The following ATP8A2 variants were observed in gnomAD, a reference collection of about 807,000 sequenced individuals.
ATP8A2 encodes the protein ATPase phospholipid transporting 8A2.
ATP8A2 carries 100 observed loss-of-function variants against 165.6 expected under a neutral mutation model. That is an observed-to-expected ratio of 0.60 (90% CI 0.51 to 0.71). The LOEUF is 0.71. Among genes scored for constraint, ATP8A2 ranks in the 30% least tolerant of loss-of-function variants. The pLI is 0.00. For synonymous variants in ATP8A2, 543 were observed against 548.8 expected, an observed-to-expected ratio of 0.99 and a Z score of 0.15; for missense variants, 1,227 against 1,479.5, an observed-to-expected ratio of 0.83 and a Z score of 2.80.
At chr13:25,463,886 G>A (rs868394838) in intron 1 of ATP8A2, among the ~76,000 whole-genome samples, 1 of 152,118 alleles carries the variant, frequency 6.6e-6, no homozygotes, top group African/African-American at 2.4e-5. Flanking sequence ...TACTGTAACT[G>A]ATCTGCTCTC....
At chr13:25,688,592 G>C (rs1462457949) in intron 24 of ATP8A2, among the ~76,000 whole-genome samples, 1 of 152,220 alleles carries the variant, frequency 6.6e-6, no homozygotes, top group Non-Finnish European at 1.5e-5. Flanking sequence ...AATTTTAAAT[G>C]TGGTAACGGT....
rs1470146727 is a variant in ATP8A2 at position 25,645,117 on chromosome 13, A to G, written c.2212-54056A>G. Among the ~76,000 whole-genome samples, 4 of 152,164 alleles carry G rather than the reference A, an allele frequency of 2.6e-5. No homozygotes were observed. The East Asian group carries it at 7.7e-4, about 29-fold the overall frequency. On this transcript the variant is annotated intron_variant, in intron 24 of 36. Coordinates refer to ENST00000381655, the MANE Select transcript of ATP8A2 (RefSeq NM_016529.6). ...TAAAGCACACCCAAGATTGGGAAGT[A>G]AAAGAGGCTTATTTGGACTTACTGT...
chr13:25,824,909 C>T (rs1320384200), intron 27 of ATP8A2, among the ~76,000 whole-genome samples: 1 of 151,886 alleles, frequency 6.6e-6, no homozygotes, highest in Non-Finnish European at 1.5e-5. Flanking sequence ...CTCTGCTTGC[C>T]CTGACCTCTA....
At chr13:25,753,222 C>G (rs2044191676) in intron 25 of ATP8A2, among the ~76,000 whole-genome samples, 1 of 152,212 alleles carries the variant, frequency 6.6e-6, no homozygotes, top group Non-Finnish European at 1.5e-5. Flanking sequence ...GCAGGGAAAT[C>G]CGGGAAGTGG....
intron 2 of ATP8A2, among the ~76,000 whole-genome samples, chr13:25,528,724 A>C (rs529198452): frequency 3.2e-4 from 48 of 151,564 alleles, no homozygotes; most frequent in African/African-American, 1.2e-3. Context: ...GGTTTGTTAC[A>C]TATGCATACA....
intron 25 of ATP8A2, among the ~76,000 whole-genome samples, chr13:25,744,146 T>C (rs1210470720): frequency 6.6e-6 from 1 of 152,208 alleles, no homozygotes; most frequent in East Asian, 1.9e-4. Flanking sequence ...CAGCGTGAAT[T>C]TTCTTTGGCA....
At chr13:25,651,847 T>C (rs896711197) in intron 24 of ATP8A2, among the ~76,000 whole-genome samples, 3 of 152,308 alleles carry the variant, frequency 2.0e-5, no homozygotes, top group African/African-American at 7.2e-5. Context: ...TAAATAATTA[T>C]CTCTGTTTTT....
intron 33 of ATP8A2, among the ~76,000 whole-genome samples, chr13:25,937,843 C>T (rs1210661480): frequency 3.3e-4 from 34 of 101,816 alleles, no homozygotes; most frequent in Non-Finnish European, 4.9e-4. Flanking sequence ...AGCGAGACTC[C>T]GTCTCAAAAA....
intron 1 of ATP8A2, among the ~76,000 whole-genome samples, chr13:25,461,063 G>A (rs1436466259): frequency 6.6e-6 from 1 of 152,164 alleles, no homozygotes; most frequent in Non-Finnish European, 1.5e-5. Context: ...AAGAATCCAT[G>A]GCCTGTTACT....
intron 23 of ATP8A2, among the ~76,000 whole-genome samples, chr13:25,586,069 A>T (rs1161119885): frequency 2.7e-4 from 41 of 152,234 alleles, no homozygotes. Context: ...AGTCCTTTAC[A>T]GATGTTTTAT....
chr13:25,933,526 A>G (rs148507165), intron 33 of ATP8A2, among the ~76,000 whole-genome samples: 1 of 152,098 alleles, frequency 6.6e-6, no homozygotes, highest in African/African-American at 2.4e-5. Context: ...CTGGCTCAGG[A>G]TGAGTGTTGA....
intron 25 of ATP8A2, among the ~76,000 whole-genome samples, chr13:25,738,947 A>G (rs2043846823): frequency 6.6e-6 from 1 of 152,238 alleles, no homozygotes; most frequent in Admixed American, 6.5e-5. Context: ...TCAGAAGTCA[A>G]CTTATCCTTG....
At chr13:25,881,601 G>C (rs1952981736) in intron 33 of ATP8A2, among the ~76,000 whole-genome samples, 1 of 152,072 alleles carries the variant, frequency 6.6e-6, no homozygotes. Flanking sequence ...GAGAAAGAGA[G>C]AGAGAGAGAG....
rs1467158662 is a variant in ATP8A2 at position 25,600,419 on chromosome 13, G to C, written c.2211+10720G>C. The stretch of plus-strand genomic sequence containing the variant: ...CTGAACACAGAAGGGAGCCTGGACA[G>C]TGAGAGATGTTAACAGCTGGCACAG... On this transcript the variant is annotated intron_variant, in intron 24 of 36. Transcript: ENST00000381655. Among the ~76,000 whole-genome samples, 4 of 152,342 alleles carry C rather than the reference G, an allele frequency of 2.6e-5. No homozygotes were observed. In the East Asian group the frequency reaches 7.7e-4, roughly 29 times the overall value.
chr13:25,646,044 A>G (rs1453342764), intron 24 of ATP8A2, among the ~76,000 whole-genome samples: 1 of 152,106 alleles, frequency 6.6e-6, no homozygotes, highest in African/African-American at 2.4e-5. Flanking sequence ...ATTGGAATCT[A>G]TCTCTCCCTT....
chr13:25,955,711 G>A (rs996882595), intron 33 of ATP8A2, among the ~76,000 whole-genome samples: 3 of 152,164 alleles, frequency 2.0e-5, no homozygotes, highest in Non-Finnish European at 4.4e-5. Context: ...AGAGGAGCTG[G>A]TACCATTCCT....
At chr13:25,448,824 AT>A (rs2035137268) in intron 1 of ATP8A2, among the ~76,000 whole-genome samples, 1 of 151,790 alleles carries the variant, frequency 6.6e-6, no homozygotes, top group Admixed American at 6.6e-5. Flanking sequence ...TAATTTTTGT[AT>A]TTTTTTAATT....
At chr13:25,527,670 A>G (rs1221474093) in intron 2 of ATP8A2, among the ~76,000 whole-genome samples, 1 of 152,208 alleles carries the variant, frequency 6.6e-6, no homozygotes, top group Non-Finnish European at 1.5e-5. Context: ...AGTAAAAGTT[A>G]GTATGCATTT....
At position 25,775,607 on chromosome 13, in the gene ATP8A2, G is replaced by A. The variant is rs116470125; in HGVS notation, c.2679+648G>A. ...TAAAACAAACGTGCCTGCTAGAGGG[G>A]TGGGCCCAGGAAGAAATGGAAAAGT... On this transcript the variant is annotated intron_variant, in intron 27 of 36. Coordinates refer to ENST00000381655, the MANE Select transcript of ATP8A2 (RefSeq NM_016529.6). Among the ~76,000 whole-genome samples, 696 of 152,268 alleles carry A rather than the reference G, an allele frequency of 4.6e-3. 4 individuals carry two copies. The highest frequency in any genetic ancestry group is 0.016 in the African/African-American group (653 of 41,544).
Sources: gnomAD v4.1 joint callset for allele counts (sites outside exome capture counted in the v4.1 genomes callset) on GRCh38, gnomAD v4.1.1 for gene constraint, MANE v1.5 for transcripts, NCBI Gene and HGNC (gene_info 2026-07-23, HGNC 2026-07-21) for gene names.